Variants in TPRG1 observed in about 807,000 individuals in gnomAD.
TPRG1 encodes tumor protein p63-regulated gene 1 protein.
TPRG1 carries 29 observed loss-of-function variants against 29.3 expected under a neutral mutation model. That is an observed-to-expected ratio of 0.99 (90% CI 0.74 to 1.35). The LOEUF (loss-of-function observed/expected upper bound fraction) is 1.35, where lower values mean the gene tolerates loss of function less well. TPRG1 is among the 40% of genes most tolerant of loss of function. The pLI is 0.00. For synonymous variants in TPRG1, 130 were observed against 116.8 expected, an observed-to-expected ratio of 1.11 and a Z score of -0.73; for missense variants, 327 against 335.0, an observed-to-expected ratio of 0.98 and a Z score of 0.19.
chr3:189,176,333 C>A (rs1729483998), intron 1 of TPRG1, among the ~76,000 whole-genome samples: 1 of 152,090 alleles, frequency 6.6e-6, no homozygotes, highest in Admixed American at 6.6e-5. Flanking sequence ...AACAATGGTT[C>A]AATTCAAACG....
chr3:189,250,342 C>G (rs896843875), intron 4 of TPRG1, among the ~76,000 whole-genome samples: 1 of 152,074 alleles, frequency 6.6e-6, no homozygotes, highest in African/African-American at 2.4e-5. Flanking sequence ...GGGTTCTAGT[C>G]CCACTTTTAC....
chr3:189,164,606 TAA>T (rs10576237), intron 5 of TPRG1, among the ~76,000 whole-genome samples: 36,868 of 147,878 alleles, frequency 0.25, 4,715 homozygotes, highest in South Asian at 0.42. Flanking sequence ...TGAAATAAGC[TAA>T]AAAAAAAAAT....
intron 4 of TPRG1, among the ~76,000 whole-genome samples, chr3:189,276,375 G>A (rs191665047): frequency 1.3e-5 from 2 of 152,284 alleles, no homozygotes; most frequent in African/African-American, 2.4e-5. Flanking sequence ...GAAGGGGGAA[G>A]AAGGATGTCA....
intron 4 of TPRG1, among the ~76,000 whole-genome samples, chr3:189,266,099 C>A (rs1246607723): frequency 1.3e-5 from 2 of 152,236 alleles, no homozygotes; most frequent in East Asian, 3.9e-4. Context: ...AGACTTGTCA[C>A]TTAATGGCTT....
chr3:189,237,625 G>A (rs958509306), intron 3 of TPRG1, among the ~76,000 whole-genome samples: 4 of 152,094 alleles, frequency 2.6e-5, no homozygotes, highest in African/African-American at 7.2e-5. Flanking sequence ...AGTAGAGGCC[G>A]GATTATACAG....
chr3:189,275,472 T>C (rs1192325391), intron 4 of TPRG1, among the ~76,000 whole-genome samples: 1 of 152,112 alleles, frequency 6.6e-6, no homozygotes, highest in Non-Finnish European at 1.5e-5. Flanking sequence ...AAGGAAATAG[T>C]ATAAGACGAG....
intron 3 of TPRG1, among the ~76,000 whole-genome samples, chr3:189,008,455 C>T (rs9870862): frequency 0.041 from 6,249 of 152,096 alleles, 419 homozygotes; most frequent in African/African-American, 0.14. Context: ...TCCAATGTGC[C>T]GCTAAAGTTG....
intron 1 of TPRG1, chr3:189,120,138 C>T (rs1428321300): frequency 6.6e-6 from 1 of 152,218 alleles, no homozygotes; most frequent in Non-Finnish European, 1.5e-5. Flanking sequence ...GCAATGACCA[C>T]TATGCTAGGA....
chr3:189,107,167 C>G (rs1439897731), intron 1 of TPRG1, among the ~76,000 whole-genome samples: 1 of 151,908 alleles, frequency 6.6e-6, no homozygotes, highest in Non-Finnish European at 1.5e-5. Flanking sequence ...CCTGCAATAC[C>G]CTGACTTTTA....
At chr3:189,080,225 G>A (rs747083801) in intron 4 of TPRG1, among the ~76,000 whole-genome samples, 25 of 151,982 alleles carry the variant, frequency 1.6e-4, no homozygotes, top group African/African-American at 2.7e-4. Flanking sequence ...TTTTAATATC[G>A]GGAATTTGTC....
chr3:189,103,371 C>T (rs1719429554), intron 1 of TPRG1, among the ~76,000 whole-genome samples: 1 of 152,124 alleles, frequency 6.6e-6, no homozygotes, highest in African/African-American at 2.4e-5. Flanking sequence ...ATCACTATTA[C>T]AAAATTCTTA....
chr3:189,319,848 G>C (rs773382079), intron 5 of TPRG1, among the ~76,000 whole-genome samples: 1 of 152,016 alleles, frequency 6.6e-6, no homozygotes, highest in Non-Finnish European at 1.5e-5. Context: ...TGTCTAAAAG[G>C]CGTTTTCTGT....
intron 3 of TPRG1, among the ~76,000 whole-genome samples, chr3:189,022,517 G>C (rs1306648981): frequency 4.0e-5 from 6 of 151,202 alleles, no homozygotes; most frequent in East Asian, 3.9e-4. Flanking sequence ...TGCCCCTGCT[G>C]GGGGGTGCCT....
chr3:189,073,792 T>C (rs1296662190), intron 4 of TPRG1, among the ~76,000 whole-genome samples: 5 of 152,196 alleles, frequency 3.3e-5, no homozygotes, highest in Non-Finnish European at 5.9e-5. Flanking sequence ...TTTTTCTTCT[T>C]TCTCATGCAC....
chr3:189,286,994 A>G (rs1034486161), intron 4 of TPRG1, among the ~76,000 whole-genome samples: 1 of 152,048 alleles, frequency 6.6e-6, no homozygotes, highest in Non-Finnish European at 1.5e-5. Flanking sequence ...AGGCTTATAC[A>G]GTTGTTGATG....
At chr3:189,053,443 C>T (rs535095742) in intron 4 of TPRG1, among the ~76,000 whole-genome samples, 14 of 152,256 alleles carry the variant, frequency 9.2e-5, no homozygotes, top group African/African-American at 3.1e-4. Flanking sequence ...AACATTTGGG[C>T]TCCCGGATAG....
chr3:189,071,067 G>GAAAAAA (rs74731300), intron 4 of TPRG1, among the ~76,000 whole-genome samples: 14 of 76,136 alleles, frequency 1.8e-4, no homozygotes, highest in Admixed American at 6.1e-4. Flanking sequence ...CAAAGAAAAA[G>GAAAAAA]AAAAAAAAAA....
chr3:189,100,358 T>C (rs1159029988), intron 1 of TPRG1, among the ~76,000 whole-genome samples: 1 of 152,160 alleles, frequency 6.6e-6, no homozygotes, highest in Non-Finnish European at 1.5e-5. Flanking sequence ...AGGGAAGGTA[T>C]CTTTGGGGAA....
chr3:189,249,400 C>T (rs1014236906), intron 4 of TPRG1, among the ~76,000 whole-genome samples: 3 of 151,632 alleles, frequency 2.0e-5, no homozygotes, highest in African/African-American at 7.3e-5. Context: ...TTTCTTTGAA[C>T]TTTCTTGGTA....
Sources: gnomAD v4.1 joint callset for allele counts (sites outside exome capture counted in the v4.1 genomes callset) on GRCh38, gnomAD v4.1.1 for gene constraint, MANE v1.5 for transcripts, NCBI Gene and HGNC (gene_info 2026-07-23, HGNC 2026-07-21) for gene names.